The following CHRM2 variants were observed in gnomAD, a reference collection of about 807,000 sequenced individuals.
CHRM2 encodes muscarinic acetylcholine receptor M2.
Under a neutral mutation model 25.0 loss-of-function variants are expected in CHRM2, and 8 were observed. That is an observed-to-expected ratio of 0.32 (90% CI 0.19 to 0.58). The LOEUF (loss-of-function observed/expected upper bound fraction) is 0.58. Ranked by LOEUF, CHRM2 falls within the 20% of genes least tolerant of loss-of-function variation. The pLI is 0.88. For missense variants in CHRM2, 440 were observed against 567.1 expected, an observed-to-expected ratio of 0.78 and a Z score of 2.28; for synonymous variants, 202 against 205.7, an observed-to-expected ratio of 0.98 and a Z score of 0.15.
chr7:136,936,276 C>G (rs1363639262), intron 2 of CHRM2, among the ~76,000 whole-genome samples: 1 of 152,098 alleles, frequency 6.6e-6, no homozygotes, highest in South Asian at 2.1e-4. Context: ...AAAGCCTTTG[C>G]CTCTGATATA....
chr7:136,896,637 T>A (rs1435580233), intron 2 of CHRM2, among the ~76,000 whole-genome samples: 1 of 152,132 alleles, frequency 6.6e-6, no homozygotes, highest in African/African-American at 2.4e-5. Context: ...AAATGAAACA[T>A]CTTTCATGAC....
chr7:136,980,093 C>G (rs1008916820), intron 2 of CHRM2, among the ~76,000 whole-genome samples: 2 of 152,070 alleles, frequency 1.3e-5, no homozygotes, highest in Non-Finnish European at 2.9e-5. Context: ...AATGTTTTTC[C>G]ATTTGTTTGT....
intron 2 of CHRM2, among the ~76,000 whole-genome samples, chr7:136,892,190 C>T (rs890164278): frequency 1.3e-5 from 2 of 152,042 alleles, no homozygotes; most frequent in Non-Finnish European, 2.9e-5. Context: ...ATCCTTTTTG[C>T]CAAAATTCTT....
chr7:136,974,961 G>T (rs1423162320), intron 2 of CHRM2, among the ~76,000 whole-genome samples: 4 of 152,134 alleles, frequency 2.6e-5, no homozygotes, highest in Non-Finnish European at 4.4e-5. Flanking sequence ...GAATATAAAA[G>T]AAATAGTATG....
intron 2 of CHRM2, among the ~76,000 whole-genome samples, chr7:136,953,118 G>C (rs538872698): frequency 6.6e-5 from 10 of 152,064 alleles, no homozygotes; most frequent in Non-Finnish European, 1.2e-4. Context: ...GGGTTGAATC[G>C]TATTTCTGTC....
intron 2 of CHRM2, among the ~76,000 whole-genome samples, chr7:136,895,419 T>C (rs1189356619): frequency 6.6e-6 from 1 of 152,238 alleles, no homozygotes; most frequent in East Asian, 1.9e-4. Context: ...TTTTCCTAAA[T>C]TTCATTCCCA....
chr7:136,912,538 A>G (rs1328841689), intron 2 of CHRM2, among the ~76,000 whole-genome samples: 1 of 151,752 alleles, frequency 6.6e-6, no homozygotes, highest in Non-Finnish European at 1.5e-5. Context: ...CCGTCACTCT[A>G]TTTGGTGGGA....
intron 3 of CHRM2, among the ~76,000 whole-genome samples, chr7:137,014,331 C>T (rs1467086151): frequency 1.3e-5 from 2 of 151,892 alleles, no homozygotes; most frequent in African/African-American, 4.8e-5. Flanking sequence ...TTAGAGCTTC[C>T]ATGAGGAAAG....
intron 2 of CHRM2, among the ~76,000 whole-genome samples, chr7:136,972,232 A>G (rs1417311572): frequency 6.6e-6 from 1 of 152,112 alleles, no homozygotes; most frequent in Non-Finnish European, 1.5e-5. Flanking sequence ...TTTTCTTTAT[A>G]TGAGAGTAAA....
intron 2 of CHRM2, among the ~76,000 whole-genome samples, chr7:136,887,831 G>A (rs1796526059): frequency 6.6e-6 from 1 of 152,144 alleles, no homozygotes; most frequent in African/African-American, 2.4e-5. Context: ...ACTTGAAAAT[G>A]TCTTGTGATC....
intron 2 of CHRM2, among the ~76,000 whole-genome samples, chr7:136,944,119 T>C (rs1311609335): frequency 2.0e-5 from 3 of 152,042 alleles, no homozygotes; most frequent in Non-Finnish European, 4.4e-5. Context: ...GAACAGGTCA[T>C]TTGGGGAACA....
In CHRM2 at chr7:136,961,112, T is replaced by G. The variant is rs563522295; in HGVS notation, c.-124-31075T>G. Among the ~76,000 whole-genome samples the G allele has an allele frequency of 7.8e-4, 118 of 151,944 alleles. 2 individuals are homozygous for G. The highest frequency in any genetic ancestry group is 2.8e-3 in the African/African-American group (115 of 41,426). On this transcript the variant is annotated intron_variant, in intron 2 of 3. Coordinates refer to ENST00000680005, the MANE Select transcript of CHRM2 (RefSeq NM_001006630.2). ...TGCACTCCGGCCTGGACGACAGAGC[T>G]AGACTTCATTAAAAAAAAAAATTAA...
chr7:136,921,790 C>CTTTTTTTTTTTTTT (rs201063228), intron 2 of CHRM2, among the ~76,000 whole-genome samples: 1 of 114,086 alleles, frequency 8.8e-6, no homozygotes, highest in East Asian at 2.0e-4. Flanking sequence ...TTCTTTCTTT[C>CTTTTTTTTTTTTTT]TTTCTTTTTT....
intron 2 of CHRM2, among the ~76,000 whole-genome samples, chr7:136,941,661 A>G (rs1799780099): frequency 6.6e-6 from 1 of 152,208 alleles, no homozygotes; most frequent in African/African-American, 2.4e-5. Context: ...AAACACATAT[A>G]TGTAACTACA....
At chr7:136,917,333 C>T (rs549336043) in intron 2 of CHRM2, among the ~76,000 whole-genome samples, 4 of 151,902 alleles carry the variant, frequency 2.6e-5, no homozygotes, top group East Asian at 1.9e-4. Flanking sequence ...CCTTTCCTAT[C>T]GTCTGATGTG....
At chr7:136,972,464 C>T (rs1163881636) in intron 2 of CHRM2, among the ~76,000 whole-genome samples, 1 of 152,050 alleles carries the variant, frequency 6.6e-6, no homozygotes, top group Admixed American at 6.5e-5. Context: ...GTCAGTGACA[C>T]AATATAGTCT....
At chr7:137,001,959 C>A (rs2131069130) in intron 3 of CHRM2, among the ~76,000 whole-genome samples, 1 of 152,208 alleles carries the variant, frequency 6.6e-6, no homozygotes, top group African/African-American at 2.4e-5. Flanking sequence ...ACATCCTACA[C>A]TCGCTGAACA....
chr7:137,011,243 T>C (rs986206872), intron 3 of CHRM2, among the ~76,000 whole-genome samples: 1 of 130,426 alleles, frequency 7.7e-6, no homozygotes, highest in East Asian at 2.1e-4. Flanking sequence ...ATGGATTTAT[T>C]AGGAAAATTG....
At chr7:136,948,540 C>T (rs1031640442) in intron 2 of CHRM2, among the ~76,000 whole-genome samples, 6 of 151,924 alleles carry the variant, frequency 3.9e-5, no homozygotes, top group Admixed American at 6.6e-5. Context: ...AAGCACTTAG[C>T]GGAATCAGAA....
Sources: gnomAD v4.1 joint callset for allele counts (sites outside exome capture counted in the v4.1 genomes callset) on GRCh38, gnomAD v4.1.1 for gene constraint, MANE v1.5 for transcripts, NCBI Gene and HGNC (gene_info 2026-07-23, HGNC 2026-07-21) for gene names.